Variants in TAFA2 observed in about 807,000 individuals in gnomAD.
The protein encoded by TAFA2 is TAFA chemokine like family member 2.
TAFA2 carries 7 observed loss-of-function variants against 18.8 expected under a neutral mutation model. The ratio of observed to expected loss-of-function variants is 0.37; its 90% CI spans 0.21 to 0.70. TAFA2 has a LOEUF of 0.70. Among genes scored for constraint, TAFA2 ranks in the 30% least tolerant of loss-of-function variants. The pLI is 0.53. For synonymous variants in TAFA2, 60 were observed against 54.2 expected (o/e 1.11, Z -0.47); for missense variants, 122 against 158.1 (o/e 0.77, Z 1.23).
intron 4 of TAFA2, among the ~76,000 whole-genome samples, chr12:61,713,428 T>G (rs1263455283): frequency 6.6e-6 from 1 of 152,170 alleles, no homozygotes; most frequent in African/African-American, 2.4e-5. Context: ...GCTAAAGTTT[T>G]TCTTTGAACA....
chr12:62,095,134 A>G (rs2136840189), intron 1 of TAFA2, among the ~76,000 whole-genome samples: 1 of 152,156 alleles, frequency 6.6e-6, no homozygotes, highest in Admixed American at 6.6e-5. Flanking sequence ...ACTTATTATT[A>G]TACGGTCTTA....
intron 1 of TAFA2, among the ~76,000 whole-genome samples, chr12:62,106,750 A>T (rs952617265): frequency 6.6e-6 from 1 of 152,222 alleles, no homozygotes; most frequent in South Asian, 2.1e-4. Flanking sequence ...CTGTGAAGAC[A>T]GCTGCCTTAT....
At chr12:62,035,054 A>G (rs894708751) in intron 1 of TAFA2, among the ~76,000 whole-genome samples, 2 of 152,238 alleles carry the variant, frequency 1.3e-5, no homozygotes, top group Non-Finnish European at 2.9e-5. Flanking sequence ...AGAACTATAT[A>G]TGATTAATAC....
At chr12:61,715,904 G>A (rs916543904) in intron 4 of TAFA2, among the ~76,000 whole-genome samples, 2 of 151,638 alleles carry the variant, frequency 1.3e-5, no homozygotes, top group African/African-American at 4.8e-5. Context: ...ATGACACAAT[G>A]AGACTGTCTA....
chr12:61,904,993 T>C (rs1456958041), intron 1 of TAFA2, among the ~76,000 whole-genome samples: 1 of 152,172 alleles, frequency 6.6e-6, no homozygotes, highest in Non-Finnish European at 1.5e-5. Flanking sequence ...AAAAAATAGA[T>C]ACTAAAAAGC....
chr12:62,097,595 T>C (rs1869007176), intron 1 of TAFA2, among the ~76,000 whole-genome samples: 1 of 152,204 alleles, frequency 6.6e-6, no homozygotes, highest in South Asian at 2.1e-4. Context: ...TCTGCTTGAT[T>C]ATATTTTAAA....
At chr12:61,967,532 C>T (rs1879109521) in intron 1 of TAFA2, among the ~76,000 whole-genome samples, 1 of 151,860 alleles carries the variant, frequency 6.6e-6, no homozygotes, top group Admixed American at 6.6e-5. Context: ...CACGTCCACA[C>T]AACACGTGCA....
chr12:62,259,458 T>TG (rs1329947750), upstream of TAFA2: 2 of 152,234 alleles, frequency 1.3e-5, no homozygotes, highest in African/African-American at 4.8e-5. Context: ...TGTGGGCTCT[T>TG]GAACCAGCCT....
At chr12:62,009,278 G>A (rs1404159077) in intron 1 of TAFA2, among the ~76,000 whole-genome samples, 2 of 152,274 alleles carry the variant, frequency 1.3e-5, no homozygotes, top group East Asian at 1.9e-4. Context: ...AAATCATCAT[G>A]TTCTCTTTTA....
intron 1 of TAFA2, among the ~76,000 whole-genome samples, chr12:61,967,029 T>C (rs1249294872): frequency 1.3e-5 from 2 of 151,868 alleles, no homozygotes; most frequent in African/African-American, 4.8e-5. Flanking sequence ...TGGAGCAAAA[T>C]ACATTTATAT....
At chr12:62,048,125 G>C (rs1881956871) in intron 1 of TAFA2, among the ~76,000 whole-genome samples, 1 of 152,190 alleles carries the variant, frequency 6.6e-6, no homozygotes, top group Admixed American at 6.5e-5. Context: ...GACAATATTT[G>C]TATTAGTCTG....
At chr12:61,770,771 C>A (rs1024765014) in intron 2 of TAFA2, among the ~76,000 whole-genome samples, 2 of 151,956 alleles carry the variant, frequency 1.3e-5, no homozygotes, top group Admixed American at 1.3e-4. Context: ...TCAAAATACA[C>A]CAAAATAGAA....
chr12:62,230,155 T>A (rs1345409817), intron 1 of TAFA2, among the ~76,000 whole-genome samples: 1 of 102,134 alleles, frequency 9.8e-6, no homozygotes, highest in African/African-American at 4.4e-5. Context: ...GTTTTGTTTA[T>A]CTTTTTTAAA....
intron 1 of TAFA2, among the ~76,000 whole-genome samples, chr12:62,101,089 T>TAGG (rs143163411): frequency 0.054 from 8,193 of 152,108 alleles, 326 homozygotes; most frequent in Non-Finnish European, 0.083. Context: ...CCTAGGTTAG[T>TAGG]AGATTACCCA....
chr12:61,816,395 TAC>T (rs1430420431), intron 2 of TAFA2, among the ~76,000 whole-genome samples: 1 of 151,550 alleles, frequency 6.6e-6, no homozygotes, highest in East Asian at 1.9e-4. Context: ...GGTGTATATG[TAC>T]CACATTTTCT....
chr12:62,139,093 G>T (rs1228368166), intron 1 of TAFA2, among the ~76,000 whole-genome samples: 2 of 152,120 alleles, frequency 1.3e-5, no homozygotes, highest in Non-Finnish European at 2.9e-5. Flanking sequence ...ATGAGAAGAA[G>T]AATCCTCCCA....
chr12:61,897,702 G>C (rs1297125747), intron 1 of TAFA2, among the ~76,000 whole-genome samples: 2 of 152,080 alleles, frequency 1.3e-5, no homozygotes, highest in East Asian at 3.9e-4. Context: ...GGGAATATGG[G>C]GATTACAATT....
At chr12:62,208,152 C>A (rs571161528) in intron 1 of TAFA2, among the ~76,000 whole-genome samples, 1 of 152,038 alleles carries the variant, frequency 6.6e-6, no homozygotes, top group Non-Finnish European at 1.5e-5. Context: ...AACGGGCCTG[C>A]TTCTTGTCTG....
chr12:62,066,053 T>C (rs1882477569), intron 1 of TAFA2, among the ~76,000 whole-genome samples: 1 of 151,288 alleles, frequency 6.6e-6, no homozygotes. Flanking sequence ...TGAGAATTAG[T>C]AACTGAAAAG....
Sources: gnomAD v4.1 joint callset for allele counts (sites outside exome capture counted in the v4.1 genomes callset) on GRCh38, gnomAD v4.1.1 for gene constraint, MANE v1.5 for transcripts, NCBI Gene and HGNC (gene_info 2026-07-23, HGNC 2026-07-21) for gene names.